RBFOX1: variants seen among roughly 807,000 people sequenced by gnomAD.
RBFOX1 encodes RNA binding protein fox-1 homolog 1.
A neutral mutation model predicts 57.7 loss-of-function variants in RBFOX1; 8 were observed. The ratio of observed to expected loss-of-function variants is 0.14; its 90% CI spans 0.08 to 0.25. The LOEUF is 0.25. Ranked by LOEUF, RBFOX1 falls within the 10% of genes least tolerant of loss-of-function variation. The pLI is 1.00. For synonymous variants in RBFOX1, 326 were observed against 222.4 expected, an observed-to-expected ratio of 1.47 and a Z score of -4.15; for missense variants, 611 against 548.5, an observed-to-expected ratio of 1.11 and a Z score of -1.14.
At chr16:6,191,217 G>A (rs1375982827) in intron 1 of RBFOX1, among the ~76,000 whole-genome samples, 2 of 149,978 alleles carry the variant, frequency 1.3e-5, no homozygotes, top group East Asian at 2.0e-4. Context: ...GGGCTGGGCA[G>A]TATTTTCAAG....
At chr16:6,175,903 T>C (rs181043713) in intron 1 of RBFOX1, among the ~76,000 whole-genome samples, 67 of 152,282 alleles carry the variant, frequency 4.4e-4, no homozygotes, top group Non-Finnish European at 4.7e-4. Context: ...CTTGACTGCC[T>C]GTTAGAAGCA....
intron 2 of RBFOX1, among the ~76,000 whole-genome samples, chr16:5,497,943 GGA>G (rs2043057735): frequency 6.6e-6 from 1 of 152,104 alleles, no homozygotes; most frequent in South Asian, 2.1e-4. Context: ...AGCTTGCCAT[GGA>G]GAGATGGGGG....
At chr16:5,410,152 C>A (rs1231018783) in intron 1 of RBFOX1, among the ~76,000 whole-genome samples, 1 of 151,312 alleles carries the variant, frequency 6.6e-6, no homozygotes, top group Non-Finnish European at 1.5e-5. Context: ...ACACTTCAGC[C>A]CAGGAGTTCG....
chr16:6,515,696 C>G (rs534365031), intron 2 of RBFOX1, among the ~76,000 whole-genome samples: 27 of 152,232 alleles, frequency 1.8e-4, no homozygotes, highest in African/African-American at 6.5e-4. Flanking sequence ...TTTCTCAAAA[C>G]CCTCCCCTGC....
chr16:6,523,489 T>C (rs999611247), intron 2 of RBFOX1, among the ~76,000 whole-genome samples: 2 of 152,124 alleles, frequency 1.3e-5, no homozygotes, highest in Non-Finnish European at 2.9e-5. Flanking sequence ...AGTCTTTCAG[T>C]GGGGTGTGCC....
At chr16:6,089,901 TAATA>T (rs1286956042) in intron 1 of RBFOX1, among the ~76,000 whole-genome samples, 2 of 152,232 alleles carry the variant, frequency 1.3e-5, no homozygotes, top group Non-Finnish European at 1.5e-5. Flanking sequence ...ATGGCTGCTG[TAATA>T]AATGATCACA....
At chr16:7,598,687 G>C (rs77688717) in intron 9 of RBFOX1, among the ~76,000 whole-genome samples, 3,118 of 152,112 alleles carry the variant, frequency 0.02, 95 homozygotes, top group African/African-American at 0.071. Context: ...TCATAGTGTT[G>C]TATACATTTT....
rs370039274 is a variant in RBFOX1 at position 6,394,785 on chromosome 16, G to C, written c.-64+77728G>C. The stretch of plus-strand genomic sequence containing the variant: ...TTGTCTACCAAAACAGCTCAGCCAC[G>C]ATCCCCAAGGAGCCTTAATGACCCC... On this transcript the variant is annotated intron_variant, in intron 2 of 15. Transcript: ENST00000550418. Among the ~76,000 whole-genome samples, 55 of 152,162 alleles carry C rather than the reference G, an allele frequency of 3.6e-4. 1 individual carries two copies. The East Asian group carries it at 7.9e-3, about 22-fold the overall frequency.
chr16:7,012,233 C>T lies in RBFOX1; in HGVS notation c.-15-39824C>T, dbSNP rs534498241. 2.0e-5 allele frequency among the ~76,000 whole-genome samples: 3 copies of T among 152,238 alleles called. 1 individual carries two copies. The highest frequency in any genetic ancestry group is 3.9e-4 in the East Asian group (2 of 5,166). On this transcript the variant is annotated intron_variant, in intron 3 of 15. Transcript: ENST00000550418. ...TTTGTTCAACTTGCTTAACTCATAA[C>T]ATCAGCAAGATGAAAGAAATTTTCC...
At chr16:5,414,961 C>T (rs1351676854) in intron 1 of RBFOX1, among the ~76,000 whole-genome samples, 1 of 152,054 alleles carries the variant, frequency 6.6e-6, no homozygotes, top group Non-Finnish European at 1.5e-5. Context: ...GGCTTTTGTG[C>T]TTTTTCATAA....
intron 4 of RBFOX1, among the ~76,000 whole-genome samples, chr16:5,991,301 T>G (rs1382080095): frequency 6.6e-6 from 1 of 152,104 alleles, no homozygotes; most frequent in African/African-American, 2.4e-5. Context: ...TTAATATACG[T>G]CTCCCAGGTC....
intron 14 of RBFOX1, among the ~76,000 whole-genome samples, chr16:7,692,399 G>C (rs2077540183): frequency 6.6e-6 from 1 of 152,004 alleles, no homozygotes. Flanking sequence ...TCCATCACTA[G>C]ATACCTTTTG....
rs1019720129 is a variant in RBFOX1, at chr16:7,713,323, G to A, written c.*2578G>A. The A allele has an allele frequency of 1.3e-5, 2 of 152,190 alleles. No individual in the cohort carries two copies. The highest frequency in any genetic ancestry group is 4.8e-5 in the African/African-American group (2 of 41,458). 9.4% of individuals were successfully genotyped at this position (152,190 alleles called of 1,614,324 possible). A position where few individuals can be genotyped will look rare whatever the true frequency, so the allele number is the denominator to read the frequency against. On this transcript the variant is annotated 3_prime_UTR_variant, in exon 16 of 16. Transcript: ENST00000550418. ...GGTTTGTAATATCAAAAAAATAAAA[G>A]CTTAGTCTGAAAAGGTACAAGTTGG...
rs2083905787 is a variant in RBFOX1 at position 7,710,865 on chromosome 16, TAAAAAGGAAAA to T, written c.*125_*135del. 21 of 1,027,528 alleles carry T rather than the reference TAAAAAGGAAAA, an allele frequency of 2.0e-5. No homozygotes were observed. The South Asian group carries it at 7.6e-4, about 37-fold the overall frequency. The allele number at this position is 1,027,528 out of a possible 1,614,324, so 63.7% of individuals were successfully genotyped here. A position where few individuals can be genotyped will look rare whatever the true frequency, so the allele number is the denominator to read the frequency against. ...ACTCTAAAAAAAAAAAAAATACAAATAAAAAGGAAAAAAAATTACATTTTTTATCTTATACC... is the reference window on the plus strand; with the variant it reads ...ACTCTAAAAAAAAAAAAAATACAAATAAAATTACATTTTTTATCTTATACC... On this transcript the variant is annotated 3_prime_UTR_variant, in exon 16 of 16. Coordinates refer to ENST00000550418, the MANE Select transcript of RBFOX1 (RefSeq NM_018723.4).
chr16:7,042,003 C>A (rs896384580), intron 3 of RBFOX1, among the ~76,000 whole-genome samples: 12 of 152,112 alleles, frequency 7.9e-5, no homozygotes, highest in African/African-American at 2.9e-4. Flanking sequence ...ACTGGACTTC[C>A]TTAGTCTGAT....
chr16:6,008,389 A>C (rs2094939798), intron 4 of RBFOX1, among the ~76,000 whole-genome samples: 1 of 152,122 alleles, frequency 6.6e-6, no homozygotes, highest in Admixed American at 6.5e-5. Flanking sequence ...AGGAATGCAC[A>C]TGGGCACGGC....
chr16:5,915,008 C>T (rs7202510), intron 4 of RBFOX1, among the ~76,000 whole-genome samples: 1 of 151,880 alleles, frequency 6.6e-6, no homozygotes, highest in Non-Finnish European at 1.5e-5. Context: ...CACTTTTGCT[C>T]TATGGTGTTG....
chr16:5,397,465 C>G (rs1459527081), intron 1 of RBFOX1, among the ~76,000 whole-genome samples: 1 of 152,216 alleles, frequency 6.6e-6, no homozygotes, highest in Non-Finnish European at 1.5e-5. Flanking sequence ...GTCTGTGGTA[C>G]TTGCCAAGTC....
chr16:6,295,627 G>C (rs1210813318), intron 1 of RBFOX1, among the ~76,000 whole-genome samples: 1 of 152,240 alleles, frequency 6.6e-6, no homozygotes, highest in Non-Finnish European at 1.5e-5. Flanking sequence ...AGCGCTGTCT[G>C]TGTTTATGAG....
Sources: gnomAD v4.1 joint callset for allele counts (sites outside exome capture counted in the v4.1 genomes callset) on GRCh38, gnomAD v4.1.1 for gene constraint, MANE v1.5 for transcripts, NCBI Gene and HGNC (gene_info 2026-07-23, HGNC 2026-07-21) for gene names.